Variants in DLGAP1 observed in about 807,000 individuals in gnomAD.
DLGAP1 encodes disks large-associated protein 1.
In DLGAP1, 11 loss-of-function variants were observed where a neutral mutation model predicts 90.8. The ratio of observed to expected loss-of-function variants is 0.12; its 90% CI spans 0.08 to 0.20. The LOEUF is 0.20. Ranked by LOEUF, DLGAP1 falls within the 10% of genes least tolerant of loss-of-function variation. The pLI is 1.00. For synonymous variants in DLGAP1, 558 were observed against 540.7 expected (o/e 1.03, Z -0.44); for missense variants, 1,050 against 1,333.8 (o/e 0.79, Z 3.31).
chr18:4,257,457 AT>A (rs1180976238), intron 1 of DLGAP1, among the ~76,000 whole-genome samples: 6 of 152,222 alleles, frequency 3.9e-5, no homozygotes, highest in Non-Finnish European at 8.8e-5. Flanking sequence ...AAATAAGGAA[AT>A]TGTTAAAATA....
chr18:3,910,038 G>A (rs543108254), intron 3 of DLGAP1, among the ~76,000 whole-genome samples: 1 of 151,432 alleles, frequency 6.6e-6, no homozygotes, highest in Admixed American at 6.6e-5. Flanking sequence ...AGAAGCATAG[G>A]AACAGGAAGT....
At chr18:3,699,628 G>A (rs1033967006) in intron 7 of DLGAP1, among the ~76,000 whole-genome samples, 1 of 148,416 alleles carries the variant, frequency 6.7e-6, no homozygotes, top group African/African-American at 2.6e-5. Context: ...GGACCCACTT[G>A]AGGAAGCAGA....
intron 2 of DLGAP1, among the ~76,000 whole-genome samples, chr18:4,082,567 T>C (rs1468161019): frequency 6.9e-6 from 1 of 144,610 alleles, no homozygotes; most frequent in East Asian, 2.1e-4. Flanking sequence ...CCCCATTCCA[T>C]GGTGGGGGTA....
At chr18:4,059,741 C>T (rs924060680) in intron 2 of DLGAP1, among the ~76,000 whole-genome samples, 1 of 129,550 alleles carries the variant, frequency 7.7e-6, no homozygotes, top group Non-Finnish European at 1.6e-5. Context: ...AATAAATAAA[C>T]AGACTGGAAG....
chr18:4,071,740 T>C (rs78881780), intron 2 of DLGAP1, among the ~76,000 whole-genome samples: 6,630 of 152,334 alleles, frequency 0.044, 194 homozygotes, highest in Non-Finnish European at 0.067. Context: ...GTTGTCTGAA[T>C]TGTCTCGAAG....
chr18:3,620,849 C>G lies in DLGAP1; in HGVS notation c.1592-38601G>C, dbSNP rs370715583. 2.6e-5 allele frequency among the ~76,000 whole-genome samples: 4 copies of G among 152,294 alleles called. No individual in the cohort carries two copies. The South Asian group carries it at 6.2e-4, about 24-fold the overall frequency. On this transcript the variant is annotated intron_variant, in intron 7 of 12. Coordinates refer to ENST00000315677, the MANE Select transcript of DLGAP1 (RefSeq NM_004746.4). The stretch of plus-strand genomic sequence containing the variant: ...TTGGGATTACAGGCCAGAGCCACCA[C>G]GTCCGGCCTGGTATCACATTTAAAC...
intron 1 of DLGAP1, among the ~76,000 whole-genome samples, chr18:4,282,513 A>G (rs1351047578): frequency 2.0e-5 from 3 of 152,252 alleles, no homozygotes; most frequent in African/African-American, 7.2e-5. Flanking sequence ...GTAAGTATGT[A>G]CAAAGCCATA....
Position 3,792,223 on chromosome 18 carries a change from G to A in DLGAP1, c.1172+21836C>T, listed in dbSNP as rs867487413. 2.6e-5 allele frequency among the ~76,000 whole-genome samples: 4 copies of A among 152,210 alleles called. 1 individual carries two copies. The South Asian group carries it at 8.3e-4, about 32-fold the overall frequency. The stretch of plus-strand genomic sequence containing the variant: ...GGGCTGGGCACGATGGCTCACACCT[G>A]TAATCCCATCACTTTGGGAGGCTGA... On this transcript the variant is annotated intron_variant, in intron 5 of 12. Coordinates refer to ENST00000315677, the MANE Select transcript of DLGAP1 (RefSeq NM_004746.4).
chr18:4,209,791 A>T (rs1157291), intron 1 of DLGAP1, among the ~76,000 whole-genome samples: 7,305 of 152,264 alleles, frequency 0.048, 605 homozygotes, highest in African/African-American at 0.17. Flanking sequence ...GAGTGAATAT[A>T]ATAGTGTATA....
At chr18:4,131,372 C>A (rs192615248) in intron 2 of DLGAP1, among the ~76,000 whole-genome samples, 1 of 152,108 alleles carries the variant, frequency 6.6e-6, no homozygotes, top group African/African-American at 2.4e-5. Context: ...GTAAAACATG[C>A]GAAGAACTGT....
chr18:4,004,091 T>C (rs959154200), intron 3 of DLGAP1, among the ~76,000 whole-genome samples: 1 of 152,216 alleles, frequency 6.6e-6, no homozygotes, highest in African/African-American at 2.4e-5. Context: ...ATGGTTCATT[T>C]GTAAGTTAGT....
At chr18:3,971,321 C>T (rs1035088340) in intron 3 of DLGAP1, among the ~76,000 whole-genome samples, 2 of 152,140 alleles carry the variant, frequency 1.3e-5, no homozygotes, top group African/African-American at 2.4e-5. Flanking sequence ...AGAATTAAGT[C>T]CTCTAAATCA....
At chr18:4,241,547 A>G (rs1329277715) in intron 1 of DLGAP1, among the ~76,000 whole-genome samples, 2 of 152,248 alleles carry the variant, frequency 1.3e-5, no homozygotes, top group Non-Finnish European at 2.9e-5. Flanking sequence ...AACATACGAT[A>G]GAAATTACAG....
chr18:3,609,237 T>G (rs112633233), intron 7 of DLGAP1, among the ~76,000 whole-genome samples: 1 of 152,134 alleles, frequency 6.6e-6, no homozygotes, highest in African/African-American at 2.4e-5. Context: ...TGTAGAGATA[T>G]GGTCTCACTA....
At chr18:4,014,276 G>T (rs1212643751) in intron 2 of DLGAP1, among the ~76,000 whole-genome samples, 4 of 151,960 alleles carry the variant, frequency 2.6e-5, no homozygotes, top group Non-Finnish European at 5.9e-5. Flanking sequence ...AGTAGAGACG[G>T]GGTTTCACCA....
intron 2 of DLGAP1, among the ~76,000 whole-genome samples, chr18:4,142,379 C>G (rs1351807685): frequency 6.6e-6 from 1 of 152,140 alleles, no homozygotes; most frequent in African/African-American, 2.4e-5. Flanking sequence ...GTCCAATTAA[C>G]AACATTACCA....
At position 4,354,536 on chromosome 18, in the gene DLGAP1, C is replaced by A. The variant is rs79808985; in HGVS notation, c.-267+100470G>T. 4.0e-3 allele frequency among the ~76,000 whole-genome samples: 613 copies of A among 152,242 alleles called. 8 individuals are homozygous for A. Among genetic ancestry groups the A allele is most frequent in the African/African-American group, 0.014 (592 of 41,554 alleles). On this transcript the variant is annotated intron_variant, in intron 1 of 12. Coordinates refer to ENST00000315677, the MANE Select transcript of DLGAP1 (RefSeq NM_004746.4). ...CAGACAGCTTTCCTTAAGTCTTTGCCTCTTCATTTTCTGAAGGCTCCCATG... is the reference window on the plus strand; with the variant it reads ...CAGACAGCTTTCCTTAAGTCTTTGCATCTTCATTTTCTGAAGGCTCCCATG...
intron 4 of DLGAP1, among the ~76,000 whole-genome samples, chr18:3,867,740 C>G (rs1256039612): frequency 6.6e-6 from 1 of 151,988 alleles, no homozygotes; most frequent in African/African-American, 2.4e-5. Flanking sequence ...AATTGGTTAT[C>G]TAGATTTACA....
chr18:4,396,454 C>T (rs769506721), intron 1 of DLGAP1, among the ~76,000 whole-genome samples: 3 of 152,160 alleles, frequency 2.0e-5, no homozygotes, highest in Non-Finnish European at 2.9e-5. Context: ...TTGGGTTATT[C>T]TCACGAATTA....
Sources: gnomAD v4.1 joint callset for allele counts (sites outside exome capture counted in the v4.1 genomes callset) on GRCh38, gnomAD v4.1.1 for gene constraint, MANE v1.5 for transcripts, NCBI Gene and HGNC (gene_info 2026-07-23, HGNC 2026-07-21) for gene names.